Variants in ELAC2 observed in about 807,000 individuals in gnomAD.
ELAC2 encodes the protein elaC ribonuclease Z 2.
In ELAC2, 92 loss-of-function variants were observed where a neutral mutation model predicts 105.2. The ratio of observed to expected loss-of-function variants is 0.87; its 90% CI spans 0.74 to 1.04. ELAC2 has a LOEUF of 1.04. ELAC2 is among the 50% of genes least tolerant of loss of function. The pLI is 0.00. For missense variants in ELAC2, 1,099 were observed against 1,071.7 expected (o/e 1.03, Z -0.36); for synonymous variants, 468 against 409.1 (o/e 1.14, Z -1.74).
intron 1 of ELAC2, 133 bp from the exon 2 acceptor site, chr17:13,017,254 C>A (rs991788798): frequency 2.4e-5 from 23 of 969,412 alleles, no homozygotes; most frequent in Non-Finnish European, 3.7e-5. Context: ...GTTGGACTAC[C>A]GAGCCACATT....
intron 16 of ELAC2, among the ~76,000 whole-genome samples, chr17:12,997,891 A>C (rs72815146): frequency 0.11 from 16,905 of 152,262 alleles, 1,274 homozygotes; most frequent in Middle Eastern, 0.2. Context: ...AAAACATGTC[A>C]AGGGGAATCC....
chr17:13,010,493 G>C (rs1028604628), intron 8 of ELAC2, 120 bp downstream of exon 8: 2 of 912,558 alleles, frequency 2.2e-6, no homozygotes, highest in Middle Eastern at 2.5e-4. Context: ...CTGAAGATCT[G>C]CTATCTCTTC....
rs1440852171 is a variant in ELAC2, at chr17:12,996,698, A to T, written c.1521-13T>A. 6.2e-7 allele frequency: 1 copy of T among 1,611,832 alleles called. No homozygotes were observed. Among genetic ancestry groups the T allele is most frequent in the South Asian group, 1.1e-5 (1 of 90,852 alleles). ...AGACGTGTCGGGGCTGCAGAAGAGA[A>T]GAGGAAGAGAGTCACTGCCACTAGG... On this transcript the variant is annotated splice_polypyrimidine_tract_variant and intron_variant, in intron 16 of 23. Coordinates refer to ENST00000338034, the MANE Select transcript of ELAC2 (RefSeq NM_018127.7).
intron 1 of ELAC2, chr17:13,017,395 TAAC>T: frequency 3.2e-6 from 2 of 630,538 alleles, no homozygotes; most frequent in South Asian, 2.0e-5. Context: ...CCCCACACGC[TAAC>T]AACGACACAC....
intron 17 of ELAC2, 80 bp from the exon 18 acceptor site, chr17:12,996,058 T>G: frequency 6.7e-7 from 1 of 1,489,066 alleles, no homozygotes. Flanking sequence ...CCCTCTCTCT[T>G]GCAGGAGTTG....
intron 6 of ELAC2, among the ~76,000 whole-genome samples, 165 bp from the exon 7 acceptor site, chr17:13,011,947 C>T (rs529059204): frequency 6.6e-6 from 1 of 152,338 alleles, no homozygotes; most frequent in East Asian, 1.9e-4. Context: ...GGTTTCTGGG[C>T]TGCACCTATG....
intron 10 of ELAC2, among the ~76,000 whole-genome samples, 165 bp from the exon 11 acceptor site, chr17:13,005,266 T>C (rs145515202): frequency 4.7e-4 from 69 of 145,694 alleles, no homozygotes; most frequent in African/African-American, 1.6e-3. Flanking sequence ...TCTGGTCTCT[T>C]TGTGGATACC....
At chr17:12,999,719 C>A (rs2040668499) in intron 15 of ELAC2, among the ~76,000 whole-genome samples, 1 of 151,842 alleles carries the variant, frequency 6.6e-6, no homozygotes, top group African/African-American at 2.4e-5. Context: ...AGCGCAGTGG[C>A]ACGACCTTGG....
chr17:13,009,287 T>C (rs1022671011), intron 8 of ELAC2, among the ~76,000 whole-genome samples: 1 of 152,192 alleles, frequency 6.6e-6, no homozygotes, highest in African/African-American at 2.4e-5. Flanking sequence ...AGAATTTAGA[T>C]AACAATTCCA....
chr17:13,012,299 A>T (rs1368465583), intron 6 of ELAC2, among the ~76,000 whole-genome samples: 1 of 152,236 alleles, frequency 6.6e-6, no homozygotes, highest in Non-Finnish European at 1.5e-5. Flanking sequence ...ATCACATATG[A>T]AAGTTAACTG....
rs59429173 is a variant in ELAC2 at position 13,003,407 on chromosome 17, C to G, written c.1079+72G>C. On this transcript the variant is annotated intron_variant, in intron 12 of 23. Transcript: ENST00000338034. ...AGGGTAGGTAGCGCTGGAAAGAGCACGAGGGGAGGAAAGGGGAATCCACCA... is the reference window on the plus strand; with the variant it reads ...AGGGTAGGTAGCGCTGGAAAGAGCAGGAGGGGAGGAAAGGGGAATCCACCA... 12,512 of 1,395,172 alleles carry G rather than the reference C, an allele frequency of 9.0e-3. 603 individuals are homozygous for G. The East Asian group carries it at 0.14, about 16-fold the overall frequency. 86.4% of individuals were successfully genotyped at this position (1,395,172 alleles called of 1,614,324 possible).
Position 13,016,882 on chromosome 17 carries a change from G to A in ELAC2, c.347C>T (p.Ser116Phe), listed in dbSNP as rs140665334. ...DNIFLTRMHW[S>F]NVGGLSGMIL... ...CTCACCACTTAAGCCCCCAACATTA[G>A]ACCAGTGCATTCGTGTCAGGAATAT... is the stretch of plus-strand genomic sequence containing the variant. The change falls in exon 3 of 24, where the codon TCT (serine) becomes TTT (phenylalanine). Residue 116 changes from serine to phenylalanine, a missense_variant. Transcript: ENST00000338034. The A allele has an allele frequency of 1.1e-4, 176 of 1,613,876 alleles. No homozygotes were observed. The East Asian group carries it at 1.3e-3, about 12-fold the overall frequency.
Position 13,016,850 on chromosome 17 carries a change from G to C in ELAC2, c.367+12C>G, listed in dbSNP as rs2041758973. ...TCCCACCAGCCTCTGACACTGCAAA[G>C]AATATACTCACCACTTAAGCCCCCA... On this transcript the variant is annotated intron_variant, in intron 3 of 23. Transcript: ENST00000338034. The C allele has an allele frequency of 5.0e-6, 8 of 1,612,958 alleles. No homozygotes were observed. The highest frequency in any genetic ancestry group is 5.9e-6 in the Non-Finnish European group (7 of 1,179,660).
At chr17:13,006,451 T>C (rs938348154) in intron 8 of ELAC2, 10 of 187,506 alleles carry the variant, frequency 5.3e-5, no homozygotes, top group Admixed American at 1.1e-4. Context: ...AGGTATACCA[T>C]ATTCTGAAGA....
intron 3 of ELAC2, 92 bp downstream of exon 3, chr17:13,016,770 A>G: frequency 9.7e-7 from 1 of 1,028,814 alleles, no homozygotes; most frequent in Non-Finnish European, 1.4e-6. Context: ...AAAAAAAAGT[A>G]GCTGCCCACC....
At chr17:13,002,604 T>A in intron 12 of ELAC2, 25 bp from the exon 13 acceptor site, 1 of 1,581,564 alleles carries the variant, frequency 6.3e-7, no homozygotes, top group Non-Finnish European at 8.6e-7. Context: ...ACCCGGCATT[T>A]GCAGCGTCTG....
At chr17:12,995,880 G>A (rs2040443282) in intron 18 of ELAC2, 60 bp downstream of exon 18, 6 of 1,584,144 alleles carry the variant, frequency 3.8e-6, no homozygotes, top group Non-Finnish European at 4.3e-6. Flanking sequence ...GTGCCAAGAG[G>A]CATGGCGGAT....
At chr17:13,001,678 T>G (rs56317483) in intron 14 of ELAC2, among the ~76,000 whole-genome samples, 40,560 of 151,926 alleles carry the variant, frequency 0.27, 5,658 homozygotes, top group Middle Eastern at 0.33. Context: ...TAGGAATGAC[T>G]TGAAGGGAAC....
Position 13,017,121 on chromosome 17 carries a change from C to G in ELAC2, c.246G>C (p.Arg82=). The G allele has an allele frequency of 6.2e-7, 1 of 1,613,526 alleles. No individual in the cohort carries two copies. The highest frequency in any genetic ancestry group is 8.5e-7 in the Non-Finnish European group (1 of 1,179,708). ...AALYVFSEFN[R]YLFNCGEGVQ... ...CGCCTTCTCCACAGTTGAAGAGATA[C>G]CTACAAGACAAACATTACACAAGAC... Residue 82 remains arginine, a splice_region_variant and synonymous_variant, in exon 2 of 24, where the codon CGG becomes CGC. Transcript: ENST00000338034.
Sources: allele counts gnomAD v4.1 joint callset (sites outside exome capture counted in the v4.1 genomes callset), GRCh38; gene constraint gnomAD v4.1.1; transcripts MANE v1.5; gene names NCBI Gene and HGNC (gene_info 2026-07-23, HGNC 2026-07-21).